DNAH17: variants seen among roughly 807,000 people sequenced by gnomAD.
The protein encoded by DNAH17 is axonemal beta dynein heavy chain 17.
Under a neutral mutation model 485.6 loss-of-function variants are expected in DNAH17, and 376 were observed. The observed-to-expected ratio is 0.77, with a 90% CI of 0.71 to 0.84. The LOEUF (loss-of-function observed/expected upper bound fraction) is 0.84. Among genes scored for constraint, DNAH17 ranks in the 40% least tolerant of loss-of-function variants. The pLI is 0.00. For synonymous variants in DNAH17, 3,031 were observed against 2,405.9 expected (o/e 1.26, Z -7.60); for missense variants, 6,370 against 5,839.3 (o/e 1.09, Z -2.96).
rs368899989 is a variant in DNAH17 at position 78,551,547 on chromosome 17, G to A, written c.2379C>T (p.Ser793=). The change falls in exon 16 of 81, where the codon TCC becomes TCT. Residue 793 remains serine (S), a synonymous_variant. Coordinates refer to ENST00000389840, the MANE Select transcript of DNAH17 (RefSeq NM_173628.4). The part of the protein sequence containing the change: ...QKAKQNIEGI[S]QAMKDWSANP... Reference sequence around the variant, plus strand: ...GCCCCTTGCTTACCTTCATAGCCTGGGAAATTCCTTCTATATTTTGTTTTG... The same window carrying A: ...GCCCCTTGCTTACCTTCATAGCCTGAGAAATTCCTTCTATATTTTGTTTTG... 182 of 1,613,850 alleles carry A rather than the reference G, an allele frequency of 1.1e-4. No homozygotes were observed. The highest frequency in any genetic ancestry group is 1.4e-4 in the Non-Finnish European group (167 of 1,179,870).
At chr17:78,522,824 A>T in intron 25 of DNAH17, 1 of 191,726 alleles carries the variant, frequency 5.2e-6, no homozygotes, top group Non-Finnish European at 1.1e-5. Flanking sequence ...ACTGAGGAAA[A>T]GCATTAAATT....
At chr17:78,527,906 G>C (rs2091121126) in intron 22 of DNAH17, among the ~76,000 whole-genome samples, 1 of 152,092 alleles carries the variant, frequency 6.6e-6, no homozygotes, top group Non-Finnish European at 1.5e-5. Context: ...AACCTCCCGA[G>C]CAGCTAGGAT....
chr17:78,517,342 C>A (rs1017881662), intron 25 of DNAH17, among the ~76,000 whole-genome samples: 11 of 152,274 alleles, frequency 7.2e-5, no homozygotes, highest in African/African-American at 2.2e-4. Flanking sequence ...CCGCACCAGG[C>A]CGGATTTGAA....
intron 19 of DNAH17, 122 bp downstream of exon 19, chr17:78,537,177 C>CAAA (rs781147566): frequency 2.3e-5 from 19 of 837,842 alleles, no homozygotes; most frequent in Non-Finnish European, 2.9e-5. Context: ...GATTCCGTCT[C>CAAA]AAAAAAAAAA....
At chr17:78,477,031 G>A (rs1477546973) in intron 51 of DNAH17, among the ~76,000 whole-genome samples, 3 of 152,232 alleles carry the variant, frequency 2.0e-5, no homozygotes, top group Non-Finnish European at 2.9e-5. Flanking sequence ...TAATTGCAAA[G>A]GAAAGCAGGT....
At chr17:78,518,036 A>G (rs2090835638) in intron 25 of DNAH17, among the ~76,000 whole-genome samples, 2 of 152,262 alleles carry the variant, frequency 1.3e-5, no homozygotes, top group Admixed American at 6.5e-5. Flanking sequence ...ATCACTCTAA[A>G]TAAATCAGGA....
chr17:78,455,122 T>C (rs879814257), intron 63 of DNAH17, among the ~76,000 whole-genome samples: 125 of 151,722 alleles, frequency 8.2e-4, no homozygotes, highest in Admixed American at 2.6e-3. Flanking sequence ...GTTGGCCAGG[T>C]TGGTTTTGAA....
chr17:78,553,060 C>T (rs1434367848), intron 14 of DNAH17, among the ~76,000 whole-genome samples: 1 of 152,022 alleles, frequency 6.6e-6, no homozygotes, highest in Non-Finnish European at 1.5e-5. Context: ...AATGAATTCT[C>T]GTGCAATCTC....
chr17:78,529,623 T>C lies in DNAH17; in HGVS notation c.3356A>G (p.Tyr1119Cys), dbSNP rs555851336. 9 of 1,613,978 alleles carry C rather than the reference T, an allele frequency of 5.6e-6. 1 individual carries two copies. In the South Asian group the frequency reaches 7.7e-5, roughly 14 times the overall value. Reference protein sequence around the residue: ...GLTKPLKEGDYDGLVEVMGHL... With the variant: ...GLTKPLKEGDCDGLVEVMGHL... The stretch of plus-strand genomic sequence containing the variant: ...CCCCATCACCTCCACAAGCCCATCA[T>C]AGTCCCCCTCCTTGAGGGGCTTGGT... Residue 1119 changes from tyrosine to cysteine, a missense_variant, in exon 22 of 81, where the codon TAT (tyrosine) becomes TGT (cysteine). Coordinates refer to ENST00000389840, the MANE Select transcript of DNAH17 (RefSeq NM_173628.4).
At chr17:78,492,818 G>C in intron 41 of DNAH17, 53 bp from the exon 42 acceptor site, 1 of 1,556,432 alleles carries the variant, frequency 6.4e-7, no homozygotes, top group Non-Finnish European at 8.7e-7. Context: ...GGCACATCCT[G>C]CCCCACTAGC....
At chr17:78,536,160 C>T (rs2091367539) in intron 19 of DNAH17, among the ~76,000 whole-genome samples, 1 of 152,090 alleles carries the variant, frequency 6.6e-6, no homozygotes, top group African/African-American at 2.4e-5. Flanking sequence ...AGGACTGAGG[C>T]CGGGCACGGT....
intron 54 of DNAH17, among the ~76,000 whole-genome samples, chr17:78,470,255 AC>A (rs1199250129): frequency 6.6e-6 from 1 of 150,716 alleles, no homozygotes; most frequent in African/African-American, 2.4e-5. Context: ...TTTGGTAGAG[AC>A]AGGGTTTTAC....
intron 18 of DNAH17, among the ~76,000 whole-genome samples, chr17:78,537,957 G>A (rs1275181873): frequency 1.3e-5 from 2 of 152,162 alleles, no homozygotes; most frequent in East Asian, 3.9e-4. Flanking sequence ...TGGCCCACAT[G>A]GCGAAGCCCC....
At chr17:78,503,108 A>C (rs2090357650) in intron 31 of DNAH17, 97 bp from the exon 32 acceptor site, 1 of 1,373,852 alleles carries the variant, frequency 7.3e-7, no homozygotes, top group Non-Finnish European at 9.5e-7. Flanking sequence ...AACATTTCTC[A>C]TCATCCTCAT....
chr17:78,445,206 G>T (rs1205161852), intron 70 of DNAH17, among the ~76,000 whole-genome samples: 1 of 148,382 alleles, frequency 6.7e-6, no homozygotes, highest in East Asian at 2.0e-4. Flanking sequence ...ACGCTGGGAG[G>T]AGGGGAGGCT....
At chr17:78,484,437 T>C (rs2089494426) in intron 48 of DNAH17, among the ~76,000 whole-genome samples, 1 of 151,916 alleles carries the variant, frequency 6.6e-6, no homozygotes, top group Non-Finnish European at 1.5e-5. Flanking sequence ...CAGGGGCATC[T>C]CTCTGCTGGG....
intron 1 of DNAH17, among the ~76,000 whole-genome samples, chr17:78,575,671 A>G (rs975951730): frequency 2.6e-5 from 4 of 152,080 alleles, no homozygotes; most frequent in Admixed American, 6.6e-5. Context: ...CGAGCTGCAA[A>G]TTCCTGACAG....
intron 14 of DNAH17, among the ~76,000 whole-genome samples, chr17:78,553,518 T>C (rs986676746): frequency 1.8e-4 from 27 of 152,164 alleles, no homozygotes; most frequent in African/African-American, 6.5e-4. Flanking sequence ...GCCAGGCTGG[T>C]CTTGAACTCC....
At chr17:78,523,445 C>G (rs898750856) in intron 25 of DNAH17, among the ~76,000 whole-genome samples, 3 of 152,088 alleles carry the variant, frequency 2.0e-5, no homozygotes, top group African/African-American at 7.2e-5. Flanking sequence ...TTTTACCCTG[C>G]CTCTCCTTTT....
Sources: gnomAD v4.1 joint callset for allele counts (sites outside exome capture counted in the v4.1 genomes callset) on GRCh38, gnomAD v4.1.1 for gene constraint, MANE v1.5 for transcripts, NCBI Gene and HGNC (gene_info 2026-07-23, HGNC 2026-07-21) for gene names.